Variants in ORC6 observed in about 807,000 individuals in gnomAD.
ORC6 encodes the protein origin recognition complex subunit 6, also known as origin recognition complex, subunit 6 homolog-like (yeast).
Under a neutral mutation model 30.0 loss-of-function variants are expected in ORC6, and 31 were observed. That is an observed-to-expected ratio of 1.03 (90% CI 0.78 to 1.40). The LOEUF (loss-of-function observed/expected upper bound fraction) is 1.40. Ranked by LOEUF, ORC6 falls within the 40% of genes most tolerant of loss-of-function variation. ORC6 has a pLI of 0.00. For synonymous variants in ORC6, 136 were observed against 111.2 expected, an observed-to-expected ratio of 1.22 and a Z score of -1.40; for missense variants, 340 against 304.3, an observed-to-expected ratio of 1.12 and a Z score of -0.87.
At chr16:46,696,148 C>T (rs1283940303) in intron 6 of ORC6, 63 bp downstream of exon 6, 1 of 1,166,254 alleles carries the variant, frequency 8.6e-7, no homozygotes, top group Non-Finnish European at 1.3e-6. Context: ...CAGTGCTGCT[C>T]TAGCAGCTTG....
chr16:46,698,092 G>T lies in ORC6; in HGVS notation c.*507G>T. ...ATTGCACCACCGCACTCCAGCCTGGGTGACAGAGCGAGACTTATCTCATAA... is the reference window on the plus strand; with the variant it reads ...ATTGCACCACCGCACTCCAGCCTGGTTGACAGAGCGAGACTTATCTCATAA... On this transcript the variant is annotated 3_prime_UTR_variant, in exon 7 of 7. Transcript: ENST00000219097. 2.3e-6 allele frequency: 1 copy of T among 432,248 alleles called. No homozygotes were observed. Among genetic ancestry groups the T allele is most frequent in the Non-Finnish European group, 4.7e-6 (1 of 212,030 alleles). The allele number at this position is 432,248 out of a possible 1,614,324, so 26.8% of individuals were successfully genotyped here.
Position 46,693,039 on chromosome 16 carries a change from CTCTTTTCAAATAATA to C in ORC6, c.360-52_360-38del. 2.3e-5 allele frequency: 28 copies of C among 1,191,594 alleles called. 1 individual carries two copies. In the South Asian group the frequency reaches 3.3e-4, roughly 14 times the overall value. 73.8% of individuals were successfully genotyped at this position (1,191,594 alleles called of 1,614,324 possible). On this transcript the variant is annotated intron_variant, in intron 3 of 6. Coordinates refer to ENST00000219097, the MANE Select transcript of ORC6 (RefSeq NM_014321.4). ...GTAAGTTCTGGTTGATACTTTCAGT[CTCTTTTCAAATAATA>C]TTTTCTAACAGATAATTCTGCAATA...
At chr16:46,692,600 T>C in intron 3 of ORC6, 55 bp downstream of exon 3, 1 of 1,493,804 alleles carries the variant, frequency 6.7e-7, no homozygotes, top group Non-Finnish European at 9.3e-7. Context: ...CCGGGCGTGG[T>C]GGCTCACGCC....
At chr16:46,696,190 G>T in intron 6 of ORC6, 105 bp downstream of exon 6, 1 of 776,828 alleles carries the variant, frequency 1.3e-6, no homozygotes, top group South Asian at 1.4e-5. Context: ...AGTACATTCT[G>T]ACTGTGAATC....
At chr16:46,692,733 C>T (rs1396621830) in intron 3 of ORC6, among the ~76,000 whole-genome samples, 188 bp downstream of exon 3, 2 of 152,166 alleles carry the variant, frequency 1.3e-5, no homozygotes, top group Admixed American at 6.5e-5. Flanking sequence ...CTGGGCGAGG[C>T]GTCATGCACC....
Position 46,692,467 on chromosome 16 carries a change from C to T in ORC6, c.281C>T (p.Ser94Leu). ...TTTGAGTGTTTACTGGGCCTGAATT[C>T]AAATATTGGAATAAGAGACCTAGCT... ...KSFECLLGLNSNIGIRDLAVQ... is the reference protein window; with the variant it reads ...KSFECLLGLNLNIGIRDLAVQ... Residue 94 changes from serine to leucine, a missense_variant, in exon 3 of 7, where the codon TCA becomes TTA. By Grantham distance (145) the Ser-to-Leu change is moderately radical. Coordinates refer to ENST00000219097, the MANE Select transcript of ORC6 (RefSeq NM_014321.4). 1 of 1,613,436 alleles carries T rather than the reference C, an allele frequency of 6.2e-7. No individual in the cohort carries two copies. Among genetic ancestry groups the T allele is most frequent in the Non-Finnish European group, 8.5e-7 (1 of 1,179,426 alleles).
At chr16:46,693,831 A>ATTTTTTTTTTTTTTTTTTTTTT (rs1176756262) in intron 4 of ORC6, 1 of 79,430 alleles carries the variant, frequency 1.3e-5, no homozygotes, top group African/African-American at 4.8e-5. Flanking sequence ...TTTTTTTTAC[A>ATTTTTTTTTTTTTTTTTTTTTT]TTTTTTTTAT....
rs1446966371 is a variant in ORC6, at chr16:46,698,078, G to A, written c.*493G>A. 1.4e-5 allele frequency: 6 copies of A among 427,680 alleles called. No individual in the cohort carries two copies. The highest frequency in any genetic ancestry group is 2.9e-5 in the Non-Finnish European group (6 of 210,268). The allele number at this position is 427,680 out of a possible 1,614,324, so 26.5% of individuals were successfully genotyped here. The stretch of plus-strand genomic sequence containing the variant: ...TGCAGTGAGCCGAGATTGCACCACC[G>A]CACTCCAGCCTGGGTGACAGAGCGA... On this transcript the variant is annotated 3_prime_UTR_variant, in exon 7 of 7. Coordinates refer to ENST00000219097, the MANE Select transcript of ORC6 (RefSeq NM_014321.4).
At chr16:46,696,175 T>A in intron 6 of ORC6, 90 bp downstream of exon 6, 1 of 845,406 alleles carries the variant, frequency 1.2e-6, no homozygotes, top group Non-Finnish European at 2.0e-6. Flanking sequence ...AGGAGTCCAG[T>A]TTTAAGTACA....
At chr16:46,695,462 TG>T in intron 4 of ORC6, 99 bp from the exon 5 acceptor site, 1 of 753,590 alleles carries the variant, frequency 1.3e-6, no homozygotes, top group Non-Finnish European at 2.4e-6. Context: ...ACAGAGGCTC[TG>T]GAAGCATGGT....
In ORC6 at chr16:46,698,159, TTATAGATAGA is replaced by T. The variant is rs1263357341; in HGVS notation, c.*577_*586del. On this transcript the variant is annotated 3_prime_UTR_variant, in exon 7 of 7. Coordinates refer to ENST00000219097, the MANE Select transcript of ORC6 (RefSeq NM_014321.4). The stretch of plus-strand genomic sequence containing the variant: ...TCCAGCCTGGGTGACAGAGCGAGAC[TTATAGATAGA>T]TAGATAGATAGATGGATAGATAGAT... 8.2e-6 allele frequency: 3 copies of T among 367,174 alleles called. No homozygotes were observed. Among genetic ancestry groups the T allele is most frequent in the Non-Finnish European group, 1.7e-5 (3 of 179,250 alleles). The allele number at this position is 367,174 out of a possible 1,614,324, so 22.7% of individuals were successfully genotyped here. A position where few individuals can be genotyped will look rare whatever the true frequency, so the allele number is the denominator to read the frequency against.
At position 46,698,122 on chromosome 16, in the gene ORC6, A is replaced by G. The variant is rs866269608; in HGVS notation, c.*537A>G. On this transcript the variant is annotated 3_prime_UTR_variant, in exon 7 of 7. Transcript: ENST00000219097. ...AGAGCGAGACTTATCTCATAAATAA[A>G]TAGATAGATACTCCAGCCTGGGTGA... The G allele has an allele frequency of 9.2e-6, 4 of 435,358 alleles. No individual in the cohort carries two copies. The highest frequency in any genetic ancestry group is 1.9e-5 in the Non-Finnish European group (4 of 213,674). The allele number at this position is 435,358 out of a possible 1,614,324, so 27.0% of individuals were successfully genotyped here. A position where few individuals can be genotyped will look rare whatever the true frequency, so the allele number is the denominator to read the frequency against.
chr16:46,695,169 G>A (rs1473410200), intron 4 of ORC6: 1 of 230,616 alleles, frequency 4.3e-6, no homozygotes, highest in African/African-American at 2.4e-5. Flanking sequence ...GTCTTATTAG[G>A]AAAGTTTATT....
intron 1 of ORC6, 137 bp from the exon 2 acceptor site, chr16:46,690,854 C>A: frequency 1.2e-6 from 1 of 851,796 alleles, no homozygotes; most frequent in Non-Finnish European, 2.0e-6. Context: ...AGGATATGAC[C>A]TTCATTCCCA....
chr16:46,692,955 C>A, intron 3 of ORC6, 138 bp from the exon 4 acceptor site: 2 of 710,238 alleles, frequency 2.8e-6, no homozygotes, highest in South Asian at 3.0e-5. Flanking sequence ...GGTTAATTTT[C>A]AGTCTTAAAA....
At position 46,692,421 on chromosome 16, in the gene ORC6, T is replaced by A. The variant is rs200089121; in HGVS notation, c.235T>A (p.Tyr79Asn). 1.3e-5 allele frequency: 21 copies of A among 1,613,810 alleles called. No homozygotes were observed. In the African/African-American group the frequency reaches 2.3e-4, roughly 17 times the overall value. ...ACTTTCTGGTTTGAACAAGGAGACATATCAGAGCTGTCTTAAATCTTTTGA... is the reference window on the plus strand; with the variant it reads ...ACTTTCTGGTTTGAACAAGGAGACAAATCAGAGCTGTCTTAAATCTTTTGA... The part of the protein sequence containing the change: ...IKLSGLNKET[Y>N]QSCLKSFECL... The change falls in exon 3 of 7, where the codon TAT (tyrosine) becomes AAT (asparagine). Residue 79 changes from tyrosine to asparagine, a missense_variant. Tyr to Asn is a moderately radical substitution (Grantham distance 143, BLOSUM62 -2). Coordinates refer to ENST00000219097, the MANE Select transcript of ORC6 (RefSeq NM_014321.4).
intron 1 of ORC6, 37 bp downstream of exon 1, chr16:46,689,807 G>T: frequency 2.6e-6 from 4 of 1,555,396 alleles, no homozygotes; most frequent in Non-Finnish European, 2.6e-6. Context: ...CTGGGCTTCC[G>T]CCTCGCGGCC....
Position 46,697,791 on chromosome 16 carries a change from A to C in ORC6, c.*206A>C. On this transcript the variant is annotated 3_prime_UTR_variant, in exon 7 of 7. Transcript: ENST00000219097. ...AGCATTAGACCAGCCACAGTGCCTG[A>C]TTGGTATAGCCTTATGTGCTTTCCT... 1.5e-6 allele frequency: 1 copy of C among 669,560 alleles called. No individual in the cohort carries two copies. Among genetic ancestry groups the C allele is most frequent in the Non-Finnish European group, 2.7e-6 (1 of 366,266 alleles). The allele number at this position is 669,560 out of a possible 1,614,324, so 41.5% of individuals were successfully genotyped here.
At chr16:46,691,267 A>G (rs1471174454) in intron 2 of ORC6, 147 bp downstream of exon 2, 2 of 825,312 alleles carry the variant, frequency 2.4e-6, no homozygotes, top group African/African-American at 1.7e-5. Flanking sequence ...CTGTAGAATC[A>G]TTTTGCATTG....
Sources: gnomAD v4.1 joint callset for allele counts (sites outside exome capture counted in the v4.1 genomes callset) on GRCh38, gnomAD v4.1.1 for gene constraint, MANE v1.5 for transcripts, NCBI Gene and HGNC (gene_info 2026-07-23, HGNC 2026-07-21) for gene names.